TRDN: variants seen among roughly 807,000 people sequenced by gnomAD.
The protein encoded by TRDN is triadin in skeletal muscle.
Under a neutral mutation model 149.7 loss-of-function variants are expected in TRDN, and 161 were observed. The ratio of observed to expected loss-of-function variants is 1.08; its 90% CI spans 0.95 to 1.23. TRDN has a LOEUF of 1.23. TRDN is among the 50% of genes most tolerant of loss of function. The pLI is 0.00. For missense variants in TRDN, 896 were observed against 823.5 expected (o/e 1.09, Z -1.08); for synonymous variants, 294 against 250.5 (o/e 1.17, Z -1.64).
At chr6:123,257,028 T>C (rs1776590022) in intron 35 of TRDN, among the ~76,000 whole-genome samples, 1 of 151,096 alleles carries the variant, frequency 6.6e-6, no homozygotes, top group South Asian at 2.1e-4. Flanking sequence ...GGCACCAAGC[T>C]AGAGTGCAGT....
At chr6:123,381,557 T>A (rs1781721309) in intron 15 of TRDN, among the ~76,000 whole-genome samples, 167 bp from the exon 16 acceptor site, 1 of 152,010 alleles carries the variant, frequency 6.6e-6, no homozygotes, top group South Asian at 2.1e-4. Context: ...GTATTGTTAA[T>A]TACTGTAGGT....
intron 21 of TRDN, among the ~76,000 whole-genome samples, chr6:123,346,711 A>G (rs1010772741): frequency 6.6e-6 from 1 of 152,008 alleles, no homozygotes; most frequent in Non-Finnish European, 1.5e-5. Flanking sequence ...AAGATAAACC[A>G]TATTATATTT....
At chr6:123,416,725 A>G (rs2084722852) in intron 12 of TRDN, among the ~76,000 whole-genome samples, 1 of 143,204 alleles carries the variant, frequency 7.0e-6, no homozygotes, top group Admixed American at 7.5e-5. Context: ...TAGTTGACAG[A>G]GTCTTGCTCT....
chr6:123,617,399 T>A (rs1435766113), intron 1 of TRDN, among the ~76,000 whole-genome samples: 1 of 152,156 alleles, frequency 6.6e-6, no homozygotes, highest in Non-Finnish European at 1.5e-5. Context: ...TGGAAGCAGG[T>A]TCAATGTAGC....
chr6:123,387,605 A>G (rs1168964416), intron 14 of TRDN, among the ~76,000 whole-genome samples: 2 of 152,280 alleles, frequency 1.3e-5, no homozygotes, highest in East Asian at 1.9e-4. Context: ...ATTTATAAAA[A>G]TAATTTTAAC....
intron 5 of TRDN, among the ~76,000 whole-genome samples, chr6:123,516,950 T>A (rs1779438770): frequency 6.6e-6 from 1 of 152,124 alleles, no homozygotes; most frequent in Non-Finnish European, 1.5e-5. Context: ...TTTTCTTTTA[T>A]CCAATATTAT....
At chr6:123,500,141 G>GT (rs1476561832) in intron 8 of TRDN, among the ~76,000 whole-genome samples, 1 of 152,032 alleles carries the variant, frequency 6.6e-6, no homozygotes, top group Non-Finnish European at 1.5e-5. Context: ...TTCAGAGGAT[G>GT]TTTTTTAACT....
chr6:123,275,155 C>T (rs1053690287), intron 26 of TRDN, among the ~76,000 whole-genome samples: 2 of 151,976 alleles, frequency 1.3e-5, no homozygotes, highest in African/African-American at 2.4e-5. Flanking sequence ...CAAATGTGTT[C>T]TCCCAAACAA....
rs372934247 is a variant in TRDN at position 123,636,801 on chromosome 6, T to C, written c.-26A>G. Reference sequence around the variant, plus strand: ...GGTGGTCGTCAAAAGTAAAAGTCAGTTGAAAAGTTCCCGTCAAGTTGCACT... The same window carrying C: ...GGTGGTCGTCAAAAGTAAAAGTCAGCTGAAAAGTTCCCGTCAAGTTGCACT... On this transcript the variant is annotated 5_prime_UTR_variant, in exon 1 of 41. Coordinates refer to ENST00000334268, the MANE Select transcript of TRDN (RefSeq NM_006073.4). The C allele has an allele frequency of 4.7e-4, 752 of 1,611,436 alleles. No homozygotes were observed. The highest frequency in any genetic ancestry group is 8.3e-4 in the Middle Eastern group (5 of 6,036).
intron 5 of TRDN, among the ~76,000 whole-genome samples, chr6:123,530,059 T>A (rs1780162017): frequency 6.6e-6 from 1 of 151,942 alleles, no homozygotes; most frequent in African/African-American, 2.4e-5. Context: ...GCCGTGGGGC[T>A]TTCTTACATG....
chr6:123,584,645 G>A (rs547817496), intron 1 of TRDN, among the ~76,000 whole-genome samples: 1 of 152,102 alleles, frequency 6.6e-6, no homozygotes, highest in Non-Finnish European at 1.5e-5. Flanking sequence ...AGTAATGGGG[G>A]CTGTCTGTGA....
intron 9 of TRDN, chr6:123,471,734 C>A (rs1777162385): frequency 6.6e-6 from 1 of 152,198 alleles, no homozygotes; most frequent in South Asian, 2.1e-4. Context: ...TTCATGCATT[C>A]TTTTGATTAA....
chr6:123,605,300 CA>C (rs1028072509), intron 1 of TRDN, among the ~76,000 whole-genome samples: 2 of 148,104 alleles, frequency 1.4e-5, no homozygotes, highest in African/African-American at 4.9e-5. Context: ...TAAACACACA[CA>C]TATATATAAA....
At chr6:123,421,505 G>C (rs1773898929) in intron 12 of TRDN, 2 of 151,984 alleles carry the variant, frequency 1.3e-5, no homozygotes, top group South Asian at 2.1e-4. Flanking sequence ...ATTTCCCACT[G>C]TCTCTGCTGT....
chr6:123,322,989 G>T (rs935280981), intron 23 of TRDN, among the ~76,000 whole-genome samples: 1 of 152,100 alleles, frequency 6.6e-6, no homozygotes, highest in Non-Finnish European at 1.5e-5. Flanking sequence ...CAGGGAATAT[G>T]TCTTTTCATC....
chr6:123,613,698 T>G (rs570651074), intron 1 of TRDN, among the ~76,000 whole-genome samples: 48 of 152,282 alleles, frequency 3.2e-4, no homozygotes, highest in African/African-American at 1.2e-3. Context: ...ACAATTAATA[T>G]CCATTTAAAA....
At chr6:123,278,649 A>G (rs951051451) in intron 25 of TRDN, among the ~76,000 whole-genome samples, 3 of 152,176 alleles carry the variant, frequency 2.0e-5, no homozygotes, top group African/African-American at 7.2e-5. Flanking sequence ...GCGTGCCTGT[A>G]ATCCCAGCTA....
At position 123,231,639 on chromosome 6, in the gene TRDN, A is replaced by AAATAGTCAGT. The variant is rs1775605858; in HGVS notation, c.1976-7518_1976-7509dup. Among the ~76,000 whole-genome samples, 3 of 152,192 alleles carry AAATAGTCAGT rather than the reference A, an allele frequency of 2.0e-5. No individual in the cohort carries two copies. In the South Asian group the frequency reaches 6.2e-4, roughly 32 times the overall value. Reference sequence around the variant, plus strand: ...AATTTATTCCAAATTTACAATGAAGAAATAGTCAGTGTTTCTCACATATAT... The same window carrying AAATAGTCAGT: ...AATTTATTCCAAATTTACAATGAAGAAATAGTCAGTAATAGTCAGTGTTTCTCACATATAT... On this transcript the variant is annotated intron_variant, in intron 38 of 40. Coordinates refer to ENST00000334268, the MANE Select transcript of TRDN (RefSeq NM_006073.4).
At chr6:123,601,050 C>T (rs1424159800) in intron 1 of TRDN, among the ~76,000 whole-genome samples, 5 of 152,016 alleles carry the variant, frequency 3.3e-5, no homozygotes, top group African/African-American at 9.7e-5. Context: ...TTTTTCCCCA[C>T]TCTCTCACCA....
Sources: gnomAD v4.1 joint callset for allele counts (sites outside exome capture counted in the v4.1 genomes callset) on GRCh38, gnomAD v4.1.1 for gene constraint, MANE v1.5 for transcripts, NCBI Gene and HGNC (gene_info 2026-07-23, HGNC 2026-07-21) for gene names.